Variants in CNOT2 observed in about 807,000 individuals in gnomAD.
CNOT2 encodes the protein CC chemokine receptor 4-negative regulator of transcription 2.
CNOT2 carries 7 observed loss-of-function variants against 72.1 expected under a neutral mutation model. The ratio of observed to expected loss-of-function variants is 0.10; its 90% CI spans 0.06 to 0.18. The LOEUF is 0.18. Ranked by LOEUF, CNOT2 falls within the 10% of genes least tolerant of loss-of-function variation. The pLI is 1.00. For missense variants in CNOT2, 345 were observed against 660.3 expected (o/e 0.52, Z 5.23); for synonymous variants, 196 against 225.6 (o/e 0.87, Z 1.17).
intron 6 of CNOT2, 90 bp downstream of exon 6, chr12:70,330,559 G>T (rs894122970): frequency 1.3e-6 from 1 of 788,256 alleles, no homozygotes; most frequent in African/African-American, 1.8e-5. Flanking sequence ...TTGAGGTGTG[G>T]CTTCTCTCTA....
intron 1 of CNOT2, among the ~76,000 whole-genome samples, chr12:70,267,799 A>G (rs1454487457): frequency 6.6e-6 from 1 of 152,266 alleles, no homozygotes; most frequent in Non-Finnish European, 1.5e-5. Context: ...ATTGCAAACT[A>G]TGGCTGCAGG....
intron 4 of CNOT2, among the ~76,000 whole-genome samples, chr12:70,325,955 A>G (rs1304917001): frequency 1.3e-5 from 2 of 151,900 alleles, no homozygotes; most frequent in African/African-American, 4.8e-5. Flanking sequence ...TGAATAAAGA[A>G]TGACGTATTT....
At chr12:70,326,527 T>C (rs1879104794) in intron 4 of CNOT2, among the ~76,000 whole-genome samples, 2 of 151,654 alleles carry the variant, frequency 1.3e-5, no homozygotes, top group Non-Finnish European at 2.9e-5. Flanking sequence ...TCTGTGATTG[T>C]TTCTAATTAT....
At chr12:70,337,626 G>A (rs1202218380) in intron 9 of CNOT2, 113 bp downstream of exon 9, 1 of 1,033,232 alleles carries the variant, frequency 9.7e-7, no homozygotes, top group Non-Finnish European at 1.5e-6. Flanking sequence ...CTTGATATCT[G>A]TAATAACCTA....
intron 8 of CNOT2, 110 bp from the exon 9 acceptor site, chr12:70,337,278 TA>T (rs1389281657): frequency 9.7e-5 from 81 of 832,464 alleles, no homozygotes; most frequent in South Asian, 1.4e-4. Flanking sequence ...TTCATAGCAT[TA>T]AAAAAAAGAA....
intron 2 of CNOT2, chr12:70,278,520 CTTAGA>C: frequency 2.3e-6 from 1 of 430,648 alleles, no homozygotes; most frequent in Non-Finnish European, 4.1e-6. Context: ...TTTGTCAAAA[CTTAGA>C]TTATTTGATA....
At chr12:70,346,144 G>GA (rs750294683) in intron 14 of CNOT2, 36 bp from the exon 15 acceptor site, 130 of 1,482,002 alleles carry the variant, frequency 8.8e-5, no homozygotes, top group Non-Finnish European at 1.1e-4. Flanking sequence ...TAAGCCACAG[G>GA]AAAAAGTTAA....
At chr12:70,249,889 A>C (rs1958054526) in intron 1 of CNOT2, among the ~76,000 whole-genome samples, 1 of 152,226 alleles carries the variant, frequency 6.6e-6, no homozygotes, top group South Asian at 2.1e-4. Context: ...ATTACTGCAC[A>C]AAGTAATGCT....
chr12:70,297,106 G>T (rs1872941812), intron 2 of CNOT2, among the ~76,000 whole-genome samples: 1 of 152,132 alleles, frequency 6.6e-6, no homozygotes, highest in African/African-American at 2.4e-5. Context: ...GTTAATGGCA[G>T]TTGGCTGTGA....
intron 1 of CNOT2, chr12:70,244,091 G>T (rs996787427): frequency 7.2e-5 from 11 of 152,464 alleles, no homozygotes; most frequent in Non-Finnish European, 1.3e-4. Context: ...CTGGCTAACG[G>T]GTGTCAGGAT....
intron 15 of CNOT2, chr12:70,347,664 A>G (rs1882362267): frequency 6.6e-6 from 1 of 151,898 alleles, no homozygotes; most frequent in Admixed American, 6.6e-5. Flanking sequence ...GATGTCCCCT[A>G]ACAGACAACA....
chr12:70,262,766 C>T (rs1349376257), intron 1 of CNOT2, among the ~76,000 whole-genome samples: 3 of 150,666 alleles, frequency 2.0e-5, no homozygotes, highest in Admixed American at 1.3e-4. Flanking sequence ...CTCTACCTCC[C>T]GGGTTCAAGC....
At chr12:70,266,731 G>A (rs927400872) in intron 1 of CNOT2, among the ~76,000 whole-genome samples, 5 of 152,036 alleles carry the variant, frequency 3.3e-5, no homozygotes, top group Non-Finnish European at 5.9e-5. Context: ...TAATTGCTCT[G>A]AAGTGTACTT....
chr12:70,270,821 A>T (rs1959197155), intron 1 of CNOT2, among the ~76,000 whole-genome samples: 2 of 152,166 alleles, frequency 1.3e-5, no homozygotes, highest in Non-Finnish European at 2.9e-5. Flanking sequence ...TGTTAATGTA[A>T]TTTTTACTTT....
chr12:70,267,950 T>C (rs1206377064), intron 1 of CNOT2, among the ~76,000 whole-genome samples: 1 of 152,272 alleles, frequency 6.6e-6, no homozygotes, highest in Non-Finnish European at 1.5e-5. Flanking sequence ...GTTAGGCTTG[T>C]GAAACTTGAA....
intron 1 of CNOT2, among the ~76,000 whole-genome samples, chr12:70,253,858 A>AT (rs1305729148): frequency 1.3e-5 from 2 of 152,128 alleles, no homozygotes; most frequent in Non-Finnish European, 2.9e-5. Flanking sequence ...ACTGAACCTT[A>AT]TATGTACTGT....
intron 2 of CNOT2, among the ~76,000 whole-genome samples, chr12:70,304,801 T>C (rs1874910601): frequency 6.6e-6 from 1 of 152,240 alleles, no homozygotes. Context: ...GCAGGCCTCC[T>C]TGAGCTGTGG....
chr12:70,351,627 A>G (rs1218641637), intron 15 of CNOT2, among the ~76,000 whole-genome samples: 2 of 152,230 alleles, frequency 1.3e-5, no homozygotes, highest in African/African-American at 4.8e-5. Context: ...CATACATTGT[A>G]GTTCATCAAT....
intron 1 of CNOT2, among the ~76,000 whole-genome samples, chr12:70,245,626 G>T (rs1258629658): frequency 6.6e-6 from 1 of 152,036 alleles, no homozygotes; most frequent in African/African-American, 2.4e-5. Context: ...AATTTACATG[G>T]TGGAAAAATG....
Sources: gnomAD v4.1 joint callset for allele counts (sites outside exome capture counted in the v4.1 genomes callset) on GRCh38, gnomAD v4.1.1 for gene constraint, MANE v1.5 for transcripts, NCBI Gene and HGNC (gene_info 2026-07-23, HGNC 2026-07-21) for gene names.